Variants in LRRC28 observed in about 807,000 individuals in gnomAD.
LRRC28 encodes the protein leucine rich repeat containing 28, also known as leucine-rich repeat-containing protein 28.
LRRC28 carries 39 observed loss-of-function variants against 45.7 expected under a neutral mutation model. The ratio of observed to expected loss-of-function variants is 0.85; its 90% CI spans 0.66 to 1.12. The LOEUF (loss-of-function observed/expected upper bound fraction) is 1.12, where lower values mean the gene tolerates loss of function less well. LRRC28 is among the 50% of genes most tolerant of loss of function. The probability of loss-of-function intolerance (pLI) is 0.00; values close to 1 mark genes in which losing one functional copy is unlikely to be tolerated. For missense variants in LRRC28, 435 were observed against 438.5 expected (o/e 0.99, Z 0.07); for synonymous variants, 206 against 178.8 (o/e 1.15, Z -1.22).
In LRRC28 at chr15:99,387,243, G is replaced by A. The variant is rs571742959; in HGVS notation, c.*1141G>A. ...GCCCGGCTAATTTTTTGTATTTTTA[G>A]TAGAGACGGGGTTTCACCGTGTTAG... is the stretch of plus-strand genomic sequence containing the variant. On this transcript the variant is annotated 3_prime_UTR_variant, in exon 10 of 10. Coordinates refer to ENST00000301981, the MANE Select transcript of LRRC28 (RefSeq NM_144598.5). 2.0e-5 allele frequency: 3 copies of A among 150,014 alleles called. No homozygotes were observed. In the South Asian group the frequency reaches 6.5e-4, roughly 32 times the overall value. 9.3% of individuals were successfully genotyped at this position (150,014 alleles called of 1,614,324 possible).
intron 5 of LRRC28, among the ~76,000 whole-genome samples, chr15:99,298,933 TCCTGA>T (rs373068880): frequency 2.6e-4 from 39 of 152,216 alleles, no homozygotes; most frequent in African/African-American, 8.9e-4. Context: ...GGTCTCCAAC[TCCTGA>T]CCTCAGGCAA....
intron 5 of LRRC28, among the ~76,000 whole-genome samples, chr15:99,311,108 C>G (rs966946029): frequency 6.6e-6 from 1 of 152,118 alleles, no homozygotes; most frequent in African/African-American, 2.4e-5. Context: ...GTGGAGCTAT[C>G]TGGGCATGCA....
chr15:99,348,545 T>G (rs117256832), intron 6 of LRRC28, among the ~76,000 whole-genome samples: 1 of 152,308 alleles, frequency 6.6e-6, no homozygotes, highest in Non-Finnish European at 1.5e-5. Context: ...TTCCCTGTTA[T>G]GTCCTCTTGG....
intron 2 of LRRC28, among the ~76,000 whole-genome samples, chr15:99,268,444 C>T (rs1325086542): frequency 3.9e-5 from 6 of 152,052 alleles, no homozygotes; most frequent in Admixed American, 3.3e-4. Context: ...ATCTTGTGTA[C>T]TCGAAGGGTG....
intron 5 of LRRC28, among the ~76,000 whole-genome samples, chr15:99,311,113 C>A (rs1051468600): frequency 3.3e-5 from 5 of 152,108 alleles, no homozygotes; most frequent in African/African-American, 1.2e-4. Flanking sequence ...GCTATCTGGG[C>A]ATGCACAGAA....
At chr15:99,308,039 C>A (rs1955252563) in intron 5 of LRRC28, among the ~76,000 whole-genome samples, 1 of 152,074 alleles carries the variant, frequency 6.6e-6, no homozygotes, top group South Asian at 2.1e-4. Flanking sequence ...CAAAATAACC[C>A]CAGCAAGAAA....
chr15:99,315,097 T>G (rs1835728410), intron 5 of LRRC28, among the ~76,000 whole-genome samples: 1 of 152,172 alleles, frequency 6.6e-6, no homozygotes, highest in Non-Finnish European at 1.5e-5. Flanking sequence ...TTTCAGCTCT[T>G]CAGAGGATGA....
At chr15:99,268,929 G>A (rs1400987827) in intron 2 of LRRC28, among the ~76,000 whole-genome samples, 1 of 152,148 alleles carries the variant, frequency 6.6e-6, no homozygotes, top group African/African-American at 2.4e-5. Context: ...ATAACTTAAA[G>A]TTTTAACAAA....
chr15:99,287,883 A>G lies in LRRC28; in HGVS notation c.317A>G (p.Glu106Gly). Reference sequence around the variant, plus strand: ...AATGCCTTAGAAATTGTTTGCCCAGAAATTGGTCGTCTGAGAGCTTTACGT... The same window carrying G: ...AATGCCTTAGAAATTGTTTGCCCAGGAATTGGTCGTCTGAGAGCTTTACGT... ...SDNALEIVCP[E>G]IGRLRALRHL... is the part of the protein sequence containing the mutation. Residue 106 changes from glutamate (E) to glycine (G), a missense_variant, in exon 5 of 10, where the codon GAA becomes GGA. Physicochemically the swap from Glu to Gly is moderately conservative, Grantham distance 98. Transcript: ENST00000301981. 6 of 1,613,844 alleles carry G rather than the reference A, an allele frequency of 3.7e-6. No individual in the cohort carries two copies. The highest frequency in any genetic ancestry group is 5.1e-6 in the Non-Finnish European group (6 of 1,179,844).
intron 5 of LRRC28, among the ~76,000 whole-genome samples, chr15:99,328,938 G>A (rs543517632): frequency 5.3e-5 from 8 of 151,886 alleles, no homozygotes; most frequent in South Asian, 2.1e-4. Flanking sequence ...ATATCCCAGC[G>A]TTCCAGCTTG....
chr15:99,384,717 A>G (rs1008354443), intron 9 of LRRC28: 1 of 152,104 alleles, frequency 6.6e-6, no homozygotes, highest in African/African-American at 2.4e-5. Flanking sequence ...CTTCTGTTCC[A>G]GTGATATTTG....
intron 2 of LRRC28, among the ~76,000 whole-genome samples, chr15:99,269,996 C>T (rs996901786): frequency 6.6e-6 from 1 of 152,116 alleles, no homozygotes; most frequent in African/African-American, 2.4e-5. Flanking sequence ...TTTCTGATTC[C>T]TCTGTTGATA....
chr15:99,367,488 C>T (rs1173831572), intron 9 of LRRC28, among the ~76,000 whole-genome samples: 4 of 152,048 alleles, frequency 2.6e-5, no homozygotes, highest in Non-Finnish European at 4.4e-5. Context: ...CCCCCTCCCA[C>T]GATAACTAAC....
intron 9 of LRRC28, chr15:99,384,165 A>G (rs948880831): frequency 6.6e-6 from 1 of 152,194 alleles, no homozygotes; most frequent in African/African-American, 2.4e-5. Context: ...GGCGATGAGT[A>G]TTGATGGTGG....
intron 5 of LRRC28, among the ~76,000 whole-genome samples, chr15:99,329,836 C>T (rs912403914): frequency 1.3e-5 from 2 of 152,128 alleles, no homozygotes; most frequent in African/African-American, 4.8e-5. Context: ...TGCACGTGGT[C>T]GCCAACCATA....
intron 6 of LRRC28, among the ~76,000 whole-genome samples, chr15:99,350,855 A>T (rs1956855567): frequency 6.6e-6 from 1 of 152,110 alleles, no homozygotes; most frequent in Non-Finnish European, 1.5e-5. Context: ...AGCTGGATGC[A>T]GTGGAATGAT....
intron 2 of LRRC28, among the ~76,000 whole-genome samples, chr15:99,265,740 A>G (rs2152138637): frequency 6.6e-6 from 1 of 152,274 alleles, no homozygotes; most frequent in African/African-American, 2.4e-5. Context: ...CAGGACTGAG[A>G]GGTAAGAGAG....
At chr15:99,253,114 AT>A (rs2080905285) in intron 1 of LRRC28, among the ~76,000 whole-genome samples, 1 of 135,172 alleles carries the variant, frequency 7.4e-6, no homozygotes, top group Non-Finnish European at 1.5e-5. Flanking sequence ...TTACTTTGGG[AT>A]AGGGAAGTGA....
chr15:99,313,382 C>T (rs1057299181), intron 5 of LRRC28, among the ~76,000 whole-genome samples: 4 of 151,958 alleles, frequency 2.6e-5, no homozygotes, highest in Non-Finnish European at 5.9e-5. Flanking sequence ...CATCTGAGAA[C>T]AAGTAAAGAT....
Sources: gnomAD v4.1 joint callset for allele counts (sites outside exome capture counted in the v4.1 genomes callset) on GRCh38, gnomAD v4.1.1 for gene constraint, MANE v1.5 for transcripts, NCBI Gene and HGNC (gene_info 2026-07-23, HGNC 2026-07-21) for gene names.